Variants in IKZF5 observed in about 807,000 individuals in gnomAD.
IKZF5 encodes zinc finger protein Pegasus.
In IKZF5, 4 loss-of-function variants were observed where a neutral mutation model predicts 30.7. That is an observed-to-expected ratio of 0.13 (90% CI 0.06 to 0.30). The LOEUF (loss-of-function observed/expected upper bound fraction) is 0.30. Ranked by LOEUF, IKZF5 falls within the 10% of genes least tolerant of loss-of-function variation. The pLI is 1.00. For missense variants in IKZF5, 348 were observed against 525.5 expected (o/e 0.66, Z 3.30); for synonymous variants, 148 against 179.6 (o/e 0.82, Z 1.41).
Position 122,992,309 on chromosome 10 carries a change from CT to C in IKZF5, c.*1470del, listed in dbSNP as rs1397741094. 2.0e-5 allele frequency: 3 copies of C among 152,188 alleles called. No homozygotes were observed. The highest frequency in any genetic ancestry group is 2.9e-5 in the Non-Finnish European group (2 of 68,022). 9.4% of individuals were successfully genotyped at this position (152,188 alleles called of 1,614,324 possible). On this transcript the variant is annotated 3_prime_UTR_variant, in exon 5 of 5. Coordinates refer to ENST00000368886, the MANE Select transcript of IKZF5 (RefSeq NM_001372123.1). ...GTGGGTACATACCACCAATATTTCC[CT>C]TTCCTTTACTATTAGAGTTCTTTTT...
At chr10:122,999,380 T>C (rs1025107815) in intron 2 of IKZF5, among the ~76,000 whole-genome samples, 1 of 152,202 alleles carries the variant, frequency 6.6e-6, no homozygotes, top group Admixed American at 6.5e-5. Context: ...AGTGTTCACA[T>C]GAATGAGTAG....
At chr10:123,002,511 T>C (rs1364502212) in intron 2 of IKZF5, among the ~76,000 whole-genome samples, 3 of 132,082 alleles carry the variant, frequency 2.3e-5, no homozygotes, top group Non-Finnish European at 4.8e-5. Context: ...AGAGCAAAAT[T>C]CTGTCTCCAA....
chr10:123,002,813 TTATTAG>T (rs1849638985), intron 2 of IKZF5, among the ~76,000 whole-genome samples: 1 of 149,338 alleles, frequency 6.7e-6, no homozygotes, highest in Non-Finnish European at 1.5e-5. Context: ...AACCAAAACA[TTATTAG>T]TATTACTACC....
chr10:123,006,536 CTTCT>C lies in IKZF5; in HGVS notation c.-47+486_-47+489del, dbSNP rs377664938. On this transcript the variant is annotated intron_variant, in intron 2 of 4. Coordinates refer to ENST00000368886, the MANE Select transcript of IKZF5 (RefSeq NM_001372123.1). ...GCTCTCTAACCTATCTTCCTTCTTC[CTTCT>C]ATCTTTTTTATAAACTGTGGGAGAA... 5.7e-4 allele frequency among the ~76,000 whole-genome samples: 87 copies of C among 152,288 alleles called. No individual in the cohort carries two copies. In the South Asian group the frequency reaches 0.017, roughly 30 times the overall value.
At position 122,993,562 on chromosome 10, in the gene IKZF5, A is replaced by C; in HGVS notation, c.*218T>G. 1 of 363,476 alleles carries C rather than the reference A, an allele frequency of 2.8e-6. No homozygotes were observed. The highest frequency in any genetic ancestry group is 2.1e-5 in the African/African-American group (1 of 47,636). 22.5% of individuals were successfully genotyped at this position (363,476 alleles called of 1,614,324 possible). A position where few individuals can be genotyped will look rare whatever the true frequency, so the allele number is the denominator to read the frequency against. On this transcript the variant is annotated 3_prime_UTR_variant, in exon 5 of 5. Transcript: ENST00000368886. ...CAATGTCGAAAGGAAAGGAAAAAAGAGACACCAATGTGTCTAACTGTTCTA... is the reference window on the plus strand; with the variant it reads ...CAATGTCGAAAGGAAAGGAAAAAAGCGACACCAATGTGTCTAACTGTTCTA...
intron 2 of IKZF5, among the ~76,000 whole-genome samples, chr10:123,002,241 G>A (rs117249493): frequency 2.8e-4 from 43 of 152,152 alleles, no homozygotes; most frequent in Admixed American, 1.2e-3. Flanking sequence ...ATTAGTGGCC[G>A]GGCGCAGTGG....
At position 122,995,977 on chromosome 10, in the gene IKZF5, A is replaced by T. The variant is rs1247193764; in HGVS notation, c.316+17T>A. The T allele has an allele frequency of 6.2e-7, 1 of 1,609,802 alleles. No individual in the cohort carries two copies. Among genetic ancestry groups the T allele is most frequent in the Non-Finnish European group, 8.5e-7 (1 of 1,178,216 alleles). On this transcript the variant is annotated intron_variant, in intron 4 of 4. Coordinates refer to ENST00000368886, the MANE Select transcript of IKZF5 (RefSeq NM_001372123.1). ...CTGCCCTCACAGAAATGCTTTTTCC[A>T]GCTGTCTTTCCATTACCTGTGTGGA...
At position 122,994,165 on chromosome 10, in the gene IKZF5, G is replaced by A; in HGVS notation, c.875C>T (p.Ser292Phe). ...TACGGCAGAAACTACTGCTTGGGTAGAGGGCTGCTGAATCATGAAAGGCTT... is the reference window on the plus strand; with the variant it reads ...TACGGCAGAAACTACTGCTTGGGTAAAGGGCTGCTGAATCATGAAAGGCTT... Reference protein sequence around the residue: ...DEKPFMIQQPSTQAVVSAVSA... With the variant: ...DEKPFMIQQPFTQAVVSAVSA... Residue 292 changes from serine to phenylalanine, a missense_variant, in exon 5 of 5, where the codon TCT becomes TTT. Transcript: ENST00000368886. The surrounding 1 kb of genome is among the most constrained non-coding windows in gnomAD (Gnocchi z 5.6). The A allele has an allele frequency of 6.2e-7, 1 of 1,614,166 alleles. No homozygotes were observed. The highest frequency in any genetic ancestry group is 8.5e-7 in the Non-Finnish European group (1 of 1,180,032).
chr10:123,005,818 T>C (rs1272483058), intron 2 of IKZF5, among the ~76,000 whole-genome samples: 2 of 152,212 alleles, frequency 1.3e-5, no homozygotes, highest in Non-Finnish European at 2.9e-5. Flanking sequence ...CATATTAAGA[T>C]TTCCCAGCCT....
chr10:122,998,133 A>G (rs895654092), intron 3 of IKZF5: 1 of 160,492 alleles, frequency 6.2e-6, no homozygotes, highest in Admixed American at 6.4e-5. Flanking sequence ...TGAAACCCCT[A>G]TTTTTATCTC....
At chr10:123,005,140 A>G (rs1205176815) in intron 2 of IKZF5, among the ~76,000 whole-genome samples, 1 of 151,956 alleles carries the variant, frequency 6.6e-6, no homozygotes, top group African/African-American at 2.4e-5. Context: ...TAAAAGAAAA[A>G]AAAAATTTCT....
intron 2 of IKZF5, among the ~76,000 whole-genome samples, chr10:123,002,966 C>T (rs764655714): frequency 6.6e-6 from 1 of 151,498 alleles, no homozygotes; most frequent in African/African-American, 2.4e-5. Context: ...CAACCAACTG[C>T]AAAACAAGAT....
chr10:123,007,435 C>A lies in IKZF5; in HGVS notation c.-197-259G>T, dbSNP rs775751460. On this transcript the variant is annotated intron_variant, in intron 1 of 4. Coordinates refer to ENST00000368886, the MANE Select transcript of IKZF5 (RefSeq NM_001372123.1). Reference sequence around the variant, plus strand: ...TAGTTTTTGGCAAGATTTTTAATGTCTAAATTTAAGTTAAACTTCAGTTTA... The same window carrying A: ...TAGTTTTTGGCAAGATTTTTAATGTATAAATTTAAGTTAAACTTCAGTTTA... 3.5e-4 allele frequency among the ~76,000 whole-genome samples: 53 copies of A among 152,250 alleles called. 1 individual carries two copies. Among genetic ancestry groups the A allele is most frequent in the South Asian group, 2.1e-4 (1 of 4,824 alleles).
At chr10:123,007,608 C>A (rs2133437004) in intron 1 of IKZF5, among the ~76,000 whole-genome samples, 1 of 152,222 alleles carries the variant, frequency 6.6e-6, no homozygotes, top group East Asian at 1.9e-4. Flanking sequence ...ACAAAAAAAA[C>A]ATGCACACCC....
chr10:123,000,754 G>T (rs1049384092), intron 2 of IKZF5, among the ~76,000 whole-genome samples: 2 of 152,144 alleles, frequency 1.3e-5, no homozygotes, highest in African/African-American at 2.4e-5. Context: ...AGCCGTTCTG[G>T]TGGGTGTCTA....
intron 2 of IKZF5, among the ~76,000 whole-genome samples, chr10:123,000,405 T>C (rs1206676892): frequency 1.3e-5 from 2 of 152,268 alleles, no homozygotes; most frequent in Admixed American, 6.5e-5. Context: ...CAACTGAAGT[T>C]TGCTCAAATT....
chr10:123,000,753 G>A (rs1351881300), intron 2 of IKZF5, among the ~76,000 whole-genome samples: 4 of 152,170 alleles, frequency 2.6e-5, no homozygotes, highest in Non-Finnish European at 5.9e-5. Flanking sequence ...TAGCCGTTCT[G>A]GTGGGTGTCT....
intron 3 of IKZF5, among the ~76,000 whole-genome samples, chr10:122,996,750 T>G (rs1849387637): frequency 6.6e-6 from 1 of 152,134 alleles, no homozygotes; most frequent in South Asian, 2.1e-4. Context: ...GTACTGGTCC[T>G]TAACATGTTT....
At chr10:122,999,575 A>G (rs757404567) in intron 2 of IKZF5, among the ~76,000 whole-genome samples, 12 of 152,240 alleles carry the variant, frequency 7.9e-5, no homozygotes, top group Non-Finnish European at 1.3e-4. Context: ...GCTATGTTCC[A>G]ATTAGACTTT....
Sources: gnomAD v4.1 joint callset for allele counts (sites outside exome capture counted in the v4.1 genomes callset) on GRCh38, gnomAD v4.1.1 for gene constraint, Gnocchi (gnomAD v3.1) non-coding constraint, MANE v1.5 for transcripts, NCBI Gene and HGNC (gene_info 2026-07-23, HGNC 2026-07-21) for gene names.